The following LARS2 variants were observed in gnomAD, a reference collection of about 807,000 sequenced individuals.
LARS2 encodes leucine--tRNA ligase, mitochondrial.
A neutral mutation model predicts 116.6 loss-of-function variants in LARS2; 81 were observed. That is an observed-to-expected ratio of 0.69 (90% CI 0.58 to 0.84). LARS2 has a LOEUF of 0.84. LARS2 is among the 40% of genes least tolerant of loss of function. The pLI, the probability that LARS2 is intolerant of heterozygous loss-of-function variation, is 0.00. For synonymous variants in LARS2, 396 were observed against 407.2 expected (o/e 0.97, Z 0.33); for missense variants, 968 against 1,114.5 (o/e 0.87, Z 1.87).
In LARS2 at chr3:45,500,744, G is replaced by A. The variant is rs368127870; in HGVS notation, c.1760+165G>A. 5.6e-4 allele frequency among the ~76,000 whole-genome samples: 86 copies of A among 152,280 alleles called. 1 individual carries two copies. Among genetic ancestry groups the A allele is most frequent in the Non-Finnish European group, 9.3e-4 (63 of 68,022 alleles). On this transcript the variant is annotated intron_variant, in intron 15 of 21. Transcript: ENST00000645846. ...ATCATTTGAGGTCCATTTATATTGC[G>A]TAGTCAGTTCTGGCATGTGATGTTG...
intron 7 of LARS2, among the ~76,000 whole-genome samples, chr3:45,448,678 G>A (rs915654912): frequency 6.6e-6 from 1 of 152,238 alleles, no homozygotes; most frequent in African/African-American, 2.4e-5. Flanking sequence ...GAAGGGATGG[G>A]CCAAATTAAA....
chr3:45,390,747 G>A (rs1697928523), intron 1 of LARS2, among the ~76,000 whole-genome samples: 1 of 151,012 alleles, frequency 6.6e-6, no homozygotes, highest in African/African-American at 2.4e-5. Flanking sequence ...CCGCCTCCCG[G>A]GTTCACGCCT....
chr3:45,412,987 T>G (rs1343254833), intron 4 of LARS2, among the ~76,000 whole-genome samples: 1 of 152,246 alleles, frequency 6.6e-6, no homozygotes, highest in Non-Finnish European at 1.5e-5. Context: ...GCCGGGCTGC[T>G]TTTAATCGAA....
In LARS2 at chr3:45,496,512, T is replaced by C. The variant is rs1700014196; in HGVS notation, c.1622+139T>C. 9.9e-6 allele frequency: 7 copies of C among 708,820 alleles called. No homozygotes were observed. In the East Asian group the frequency reaches 1.7e-4, roughly 18 times the overall value. The allele number at this position is 708,820 out of a possible 1,614,324, so 43.9% of individuals were successfully genotyped here. ...AGATTAAAGGGGAGAAGAGGAGGAG[T>C]GGGCAGAGAGTGCTCTTAGACCACG... is the stretch of plus-strand genomic sequence containing the variant. On this transcript the variant is annotated intron_variant, in intron 14 of 21. Transcript: ENST00000645846.
rs980073657 is a variant in LARS2 at position 45,400,329 on chromosome 3, A to G, written c.319A>G (p.Ile107Val). The G allele has an allele frequency of 5.0e-6, 8 of 1,613,862 alleles. No individual in the cohort carries two copies. The highest frequency in any genetic ancestry group is 5.9e-6 in the Non-Finnish European group (7 of 1,179,922). Residue 107 changes from isoleucine (I) to valine (V), a missense_variant, in exon 4 of 22, where the codon ATC (isoleucine) becomes GTC (valine). Ile to Val is a conservative substitution (Grantham distance 29). Coordinates refer to ENST00000645846, the MANE Select transcript of LARS2 (RefSeq NM_015340.4). ...CATGGGCCATGTGCGTGTCTACACCATCAGCGACACCATAGCACGGTTCCA... is the reference window on the plus strand; with the variant it reads ...CATGGGCCATGTGCGTGTCTACACCGTCAGCGACACCATAGCACGGTTCCA... ...LHMGHVRVYT[I>V]SDTIARFQKM... is the part of the protein sequence containing the mutation.
At chr3:45,546,768 T>TA (rs1700881566) in intron 21 of LARS2, among the ~76,000 whole-genome samples, 1 of 152,216 alleles carries the variant, frequency 6.6e-6, no homozygotes, top group African/African-American at 2.4e-5. Context: ...TGACCCATGT[T>TA]AAGCGAGAAA....
In LARS2 at chr3:45,442,024, T is replaced by G. The variant is rs933153942; in HGVS notation, c.517-4867T>G. ...GCACTTTCTAGAGCTCAGGAAGATATAAAAGTTGACACTTTTATGTAGATT... is the reference window on the plus strand; with the variant it reads ...GCACTTTCTAGAGCTCAGGAAGATAGAAAAGTTGACACTTTTATGTAGATT... On this transcript the variant is annotated intron_variant, in intron 6 of 21. Coordinates refer to ENST00000645846, the MANE Select transcript of LARS2 (RefSeq NM_015340.4). Among the ~76,000 whole-genome samples the G allele has an allele frequency of 2.6e-5, 4 of 152,356 alleles. No individual in the cohort carries two copies. In the East Asian group the frequency reaches 7.7e-4, roughly 29 times the overall value.
At chr3:45,449,762 TA>T (rs1368760165) in intron 7 of LARS2, among the ~76,000 whole-genome samples, 1 of 152,252 alleles carries the variant, frequency 6.6e-6, no homozygotes, top group East Asian at 1.9e-4. Context: ...GAATAAACTT[TA>T]TAAAGTTAAC....
chr3:45,443,221 A>T lies in LARS2; in HGVS notation c.517-3670A>T, dbSNP rs187862313. 5.7e-4 allele frequency among the ~76,000 whole-genome samples: 87 copies of T among 152,344 alleles called. 1 individual carries two copies. The highest frequency in any genetic ancestry group is 2.0e-3 in the African/African-American group (83 of 41,572). ...CCCTTGTCTACAGAACTGGGTTTTG[A>T]ATAGGCACTTCCCAGTGAAAATATG... On this transcript the variant is annotated intron_variant, in intron 6 of 21. Coordinates refer to ENST00000645846, the MANE Select transcript of LARS2 (RefSeq NM_015340.4).
chr3:45,513,551 A>G (rs999941520), intron 16 of LARS2, among the ~76,000 whole-genome samples: 1 of 152,166 alleles, frequency 6.6e-6, no homozygotes, highest in African/African-American at 2.4e-5. Flanking sequence ...TTGAAAGCCC[A>G]CCTCAGGGAT....
rs1364730537 is a variant in LARS2, at chr3:45,524,515, T to G, written c.2404+407T>G. On this transcript the variant is annotated intron_variant, in intron 20 of 21. Transcript: ENST00000645846. ...TAATTCAGCACTCTTCACCAATTATTCCTAATCTAGGCATCAAAGCAGGCC... is the reference window on the plus strand; with the variant it reads ...TAATTCAGCACTCTTCACCAATTATGCCTAATCTAGGCATCAAAGCAGGCC... Among the ~76,000 whole-genome samples, 4 of 152,178 alleles carry G rather than the reference T, an allele frequency of 2.6e-5. No homozygotes were observed. The East Asian group carries it at 7.7e-4, about 29-fold the overall frequency.
intron 6 of LARS2, among the ~76,000 whole-genome samples, chr3:45,431,789 T>C (rs1350034561): frequency 6.7e-6 from 1 of 150,238 alleles, no homozygotes; most frequent in Admixed American, 6.6e-5. Context: ...GAAAAACAAA[T>C]AGCAAAATGA....
At chr3:45,514,616 C>T (rs755335318) in intron 16 of LARS2, among the ~76,000 whole-genome samples, 14 of 152,102 alleles carry the variant, frequency 9.2e-5, no homozygotes, top group East Asian at 1.9e-4. Context: ...GCAGTTTGTG[C>T]GCTACACAAA....
At chr3:45,408,813 C>A (rs1278383125) in intron 4 of LARS2, among the ~76,000 whole-genome samples, 1 of 152,210 alleles carries the variant, frequency 6.6e-6, no homozygotes, top group African/African-American at 2.4e-5. Context: ...GCTTCCCACT[C>A]AACTTTAAAC....
At chr3:45,512,105 C>T (rs1175296751) in intron 15 of LARS2, among the ~76,000 whole-genome samples, 1 of 152,136 alleles carries the variant, frequency 6.6e-6, no homozygotes, top group Non-Finnish European at 1.5e-5. Flanking sequence ...TCCTACCTAT[C>T]TTTATCTTTG....
chr3:45,503,349 T>C (rs1373858050), intron 15 of LARS2, among the ~76,000 whole-genome samples: 2 of 152,116 alleles, frequency 1.3e-5, no homozygotes, highest in Non-Finnish European at 2.9e-5. Context: ...TTCTAGTTCA[T>C]TGATGATTTC....
At chr3:45,466,465 T>C (rs1215392962) in intron 8 of LARS2, among the ~76,000 whole-genome samples, 6 of 152,202 alleles carry the variant, frequency 3.9e-5, no homozygotes. Flanking sequence ...CATTTACTGC[T>C]GCTTGAAATT....
At chr3:45,414,731 TA>T (rs879609697) in intron 4 of LARS2, among the ~76,000 whole-genome samples, 378 of 142,026 alleles carry the variant, frequency 2.7e-3, no homozygotes, top group Admixed American at 2.5e-3. Context: ...CCCTGTCTCT[TA>T]AAAAAAAAAA....
At position 45,491,746 on chromosome 3, in the gene LARS2, A is replaced by C; in HGVS notation, c.1469A>C (p.Lys490Thr). Residue 490 changes from lysine (K) to threonine (T), a missense_variant, in exon 13 of 22, where the codon AAG becomes ACG. By Grantham distance (78) the Lys-to-Thr change is moderately conservative. Transcript: ENST00000645846. Reference protein sequence around the residue: ...TLPNIASFTGKGGPPLAMASE... With the variant: ...TLPNIASFTGTGGPPLAMASE... ...CCCAACATCGCGTCTTTCACTGGCAAGGGAGGCCCCCCACTGGCCATGGCT... is the reference window on the plus strand; with the variant it reads ...CCCAACATCGCGTCTTTCACTGGCACGGGAGGCCCCCCACTGGCCATGGCT... The C allele has an allele frequency of 6.2e-7, 1 of 1,613,814 alleles. No homozygotes were observed. The highest frequency in any genetic ancestry group is 8.5e-7 in the Non-Finnish European group (1 of 1,179,754).
Sources: allele counts gnomAD v4.1 joint callset (sites outside exome capture counted in the v4.1 genomes callset), GRCh38; gene constraint gnomAD v4.1.1; transcripts MANE v1.5; gene names NCBI Gene and HGNC (gene_info 2026-07-23, HGNC 2026-07-21).